CHL1: variants seen among roughly 807,000 people sequenced by gnomAD.
The protein encoded by CHL1 is cell adhesion molecule L1 like, also known as neural cell adhesion molecule L1-like protein.
A neutral mutation model predicts 141.9 loss-of-function variants in CHL1; 96 were observed. That is an observed-to-expected ratio of 0.68 (90% confidence interval 0.57 to 0.80). The LOEUF (loss-of-function observed/expected upper bound fraction) is 0.80. Ranked by LOEUF, CHL1 falls within the 30% of genes least tolerant of loss-of-function variation. CHL1 has a pLI of 0.00. For missense variants in CHL1, 1,820 were observed against 1,457.2 expected, an observed-to-expected ratio of 1.25 and a Z score of -4.05; for synonymous variants, 613 against 502.2, an observed-to-expected ratio of 1.22 and a Z score of -2.95.
At position 408,134 on chromosome 3, in the gene CHL1, C is replaced by G. The variant is rs2106452183; in HGVS notation, c.*2423C>G. 6.6e-6 allele frequency: 1 copy of G among 152,222 alleles called. No individual in the cohort carries two copies. The highest frequency in any genetic ancestry group is 2.4e-5 in the African/African-American group (1 of 41,550). The allele number at this position is 152,222 out of a possible 1,614,324, so 9.4% of individuals were successfully genotyped here. The stretch of plus-strand genomic sequence containing the variant: ...TAAAATGGATTTCATGATTTTCCCT[C>G]AGAAAATGAGTAACAGAGTCCACGG... On this transcript the variant is annotated 3_prime_UTR_variant, in exon 28 of 28. Transcript: ENST00000256509.
At chr3:342,858 T>A (rs1311627779) in intron 7 of CHL1, 126 bp from the exon 8 acceptor site, 5 of 630,900 alleles carry the variant, frequency 7.9e-6, no homozygotes, top group Admixed American at 6.7e-5. Flanking sequence ...AAGGCAATGT[T>A]CTAGTGAAGC....
chr3:400,343 T>A (rs929969251), intron 26 of CHL1, among the ~76,000 whole-genome samples: 3 of 152,202 alleles, frequency 2.0e-5, no homozygotes, highest in African/African-American at 7.2e-5. Flanking sequence ...AAGTTCACAA[T>A]GACTAATAAA....
intron 1 of CHL1, chr3:213,239 T>C (rs940663302): frequency 6.6e-6 from 1 of 152,226 alleles, no homozygotes; most frequent in Non-Finnish European, 1.5e-5. Context: ...AGAGAATTGA[T>C]TCCCATGATG....
intron 3 of CHL1, among the ~76,000 whole-genome samples, chr3:325,329 A>T (rs144485750): frequency 2.0e-5 from 3 of 152,196 alleles, no homozygotes; most frequent in Admixed American, 6.6e-5. Flanking sequence ...TGGTGAAATG[A>T]TATTTACAAT....
At chr3:225,071 C>T (rs1379113422) in intron 1 of CHL1, among the ~76,000 whole-genome samples, 2 of 152,138 alleles carry the variant, frequency 1.3e-5, no homozygotes, top group Non-Finnish European at 2.9e-5. Flanking sequence ...GAGGCAGAGG[C>T]TGCAGTAAGC....
chr3:278,004 A>T (rs77550113), intron 2 of CHL1, among the ~76,000 whole-genome samples: 2,023 of 152,236 alleles, frequency 0.013, 43 homozygotes, highest in African/African-American at 0.047. Flanking sequence ...AGGAATGTGG[A>T]GTGTGTTTGT....
At chr3:211,234 G>A (rs2124905069) in intron 1 of CHL1, among the ~76,000 whole-genome samples, 1 of 152,330 alleles carries the variant, frequency 6.6e-6, no homozygotes, top group Middle Eastern at 3.4e-3. Context: ...GGAAAAGGAA[G>A]CAGGCTTTCT....
At chr3:277,188 C>T (rs1696216491) in intron 2 of CHL1, among the ~76,000 whole-genome samples, 1 of 151,932 alleles carries the variant, frequency 6.6e-6, no homozygotes, top group Non-Finnish European at 1.5e-5. Flanking sequence ...AAAGTAAATG[C>T]TTATAGATTT....
rs943088524 is a variant in CHL1, at chr3:342,000, C to G, written c.597C>G (p.Arg199=). 1 of 1,613,350 alleles carries G rather than the reference C, an allele frequency of 6.2e-7. No homozygotes were observed. Among genetic ancestry groups the G allele is most frequent in the South Asian group, 1.1e-5 (1 of 91,026 alleles). The change falls in exon 7 of 28, where the codon CGC becomes CGG. Residue 199 remains arginine, a synonymous_variant. Transcript: ENST00000256509. ...YFANVEEKDS[R]NDYCCFAAFP... ...CAAACGTGGAAGAAAAGGACAGTCGCAATGACTACTGTTGCTTTGCTGCAT... is the reference window on the plus strand; with the variant it reads ...CAAACGTGGAAGAAAAGGACAGTCGGAATGACTACTGTTGCTTTGCTGCAT...
At chr3:326,201 C>A (rs1264609971) in intron 4 of CHL1, 137 bp downstream of exon 4, 5 of 516,770 alleles carry the variant, frequency 9.7e-6, no homozygotes, top group Admixed American at 8.2e-5. Context: ...AAATCATATC[C>A]ATGCAAACAA....
chr3:292,926 C>T (rs1697833365), intron 2 of CHL1, among the ~76,000 whole-genome samples: 2 of 152,158 alleles, frequency 1.3e-5, no homozygotes, highest in African/African-American at 2.4e-5. Flanking sequence ...TCAGGGAGTA[C>T]GTTTCAACAG....
At chr3:279,607 A>T (rs546300582) in intron 2 of CHL1, among the ~76,000 whole-genome samples, 2 of 152,304 alleles carry the variant, frequency 1.3e-5, no homozygotes, top group Admixed American at 1.3e-4. Context: ...TTATTCACTG[A>T]ATCTCCTTTG....
chr3:375,229 C>A (rs779457050), intron 15 of CHL1, among the ~76,000 whole-genome samples: 3 of 152,038 alleles, frequency 2.0e-5, no homozygotes, highest in Non-Finnish European at 4.4e-5. Flanking sequence ...GCTATGAAAC[C>A]ATTTTTAGAA....
At chr3:400,902 T>TTTG (rs1709075324) in intron 26 of CHL1, among the ~76,000 whole-genome samples, 1 of 118,044 alleles carries the variant, frequency 8.5e-6, no homozygotes, top group Non-Finnish European at 1.6e-5. Flanking sequence ...ATGACTGCCT[T>TTTG]TTTTTTTTTT....
Position 391,663 on chromosome 3 carries a change from T to C in CHL1, c.2792-12T>C, listed in dbSNP as rs1708238795. The C allele has an allele frequency of 6.3e-7, 1 of 1,585,232 alleles. No homozygotes were observed. Among genetic ancestry groups the C allele is most frequent in the Non-Finnish European group, 8.6e-7 (1 of 1,164,854 alleles). ...ATTGATGTGAGTTTATTTTTGGTCT[T>C]GTGTTTTCTAGTACCTGAACAGCCA... On this transcript the variant is annotated splice_polypyrimidine_tract_variant and intron_variant, in intron 22 of 27. Transcript: ENST00000256509.
intron 2 of CHL1, among the ~76,000 whole-genome samples, chr3:250,140 A>G (rs750009742): frequency 1.3e-4 from 20 of 151,810 alleles, no homozygotes; most frequent in Non-Finnish European, 2.9e-4. Context: ...CTAATTTTTT[A>G]TATTCATAGA....
chr3:315,280 C>A (rs963087185), intron 2 of CHL1, among the ~76,000 whole-genome samples: 11 of 152,116 alleles, frequency 7.2e-5, no homozygotes, highest in African/African-American at 1.9e-4. Context: ...GTAAACTGCC[C>A]ACAGCCATCT....
intron 1 of CHL1, among the ~76,000 whole-genome samples, chr3:208,016 A>C (rs1394972698): frequency 6.6e-6 from 1 of 152,236 alleles, no homozygotes; most frequent in East Asian, 1.9e-4. Flanking sequence ...ATCAGAATGA[A>C]TGCCATCCAA....
Position 361,808 on chromosome 3 carries a change from C to G in CHL1, c.1416C>G (p.Ser472=). Reference sequence around the variant, plus strand: ...TTGCTTCACCTGAGGCAGTCGTGTCCTGGTAAGCCGGTGGCTCATGGTTTT... The same window carrying G: ...TTGCTTCACCTGAGGCAGTCGTGTCGTGGTAAGCCGGTGGCTCATGGTTTT... ...EFFASPEAVV[S]WQKVEEVKPL... is the part of the protein sequence containing the mutation. Residue 472 remains serine, a splice_region_variant and synonymous_variant, in exon 13 of 28, where the codon TCC becomes TCG. Coordinates refer to ENST00000256509, the MANE Select transcript of CHL1 (RefSeq NM_006614.4). 2.5e-6 allele frequency: 4 copies of G among 1,601,448 alleles called. No individual in the cohort carries two copies. Among genetic ancestry groups the G allele is most frequent in the Non-Finnish European group, 3.4e-6 (4 of 1,168,628 alleles).
Sources: allele counts gnomAD v4.1 joint callset (sites outside exome capture counted in the v4.1 genomes callset), GRCh38; gene constraint gnomAD v4.1.1; transcripts MANE v1.5; gene names NCBI Gene and HGNC (gene_info 2026-07-23, HGNC 2026-07-21).